The following TNC variants were observed in gnomAD, a reference collection of about 807,000 sequenced individuals.
TNC encodes tenascin C.
A neutral mutation model predicts 202.4 loss-of-function variants in TNC; 109 were observed. That is an observed-to-expected ratio of 0.54 (90% confidence interval 0.46 to 0.63). The LOEUF is 0.63. Ranked by LOEUF, TNC falls within the 30% of genes least tolerant of loss-of-function variation. The pLI, the probability that TNC is intolerant of heterozygous loss-of-function variation, is 0.00. For synonymous variants in TNC, 1,007 were observed against 1,089.7 expected, an observed-to-expected ratio of 0.92 and a Z score of 1.50; for missense variants, 2,756 against 2,833.3, an observed-to-expected ratio of 0.97 and a Z score of 0.62.
chr9:115,073,928 T>C lies in TNC; in HGVS notation c.2951-62A>G. 5 of 1,538,428 alleles carry C rather than the reference T, an allele frequency of 3.3e-6. No homozygotes were observed. The South Asian group carries it at 3.7e-5, about 11-fold the overall frequency. On this transcript the variant is annotated intron_variant, in intron 9 of 27. Transcript: ENST00000350763. ...TGCAAGACAGGGCTGCTTCTGGGGC[T>C]GAAAGTCAACTGCATCTGGGCTGGA...
rs768611745 is a variant in TNC, at chr9:115,084,524, C to T, written c.1868-52G>A. 280 of 1,586,534 alleles carry T rather than the reference C, an allele frequency of 1.8e-4. 1 individual carries two copies. Among genetic ancestry groups the T allele is most frequent in the Non-Finnish European group, 1.9e-4 (225 of 1,165,566 alleles). ...GTGTCAACAGTGTGTCCTCTAAAAT[C>T]TCTCTAGGTTTGTTTGACCTGTCTT... On this transcript the variant is annotated intron_variant, in intron 3 of 27. Transcript: ENST00000350763.
At chr9:115,042,870 G>C (rs1215875315) in intron 17 of TNC, among the ~76,000 whole-genome samples, 1 of 152,146 alleles carries the variant, frequency 6.6e-6, no homozygotes, top group Non-Finnish European at 1.5e-5. Flanking sequence ...CCAGGAGTAG[G>C]CAGCAGAGCC....
rs997315767 is a variant in TNC at position 115,057,492 on chromosome 9, A to G, written c.4307-67T>C. On this transcript the variant is annotated intron_variant, in intron 14 of 27. Transcript: ENST00000350763. ...GAGTTAATTATTTGGCTGTGTTTTA[A>G]GATTGAGGTTGTTAATAGAACCATT... is the stretch of plus-strand genomic sequence containing the variant. The G allele has an allele frequency of 4.7e-6, 7 of 1,480,264 alleles. No individual in the cohort carries two copies. In the Admixed American group the frequency reaches 1.0e-4, roughly 21 times the overall value. The allele number at this position is 1,480,264 out of a possible 1,614,324, so 91.7% of individuals were successfully genotyped here.
At chr9:115,084,535 T>A in intron 3 of TNC, 63 bp from the exon 4 acceptor site, 1 of 1,562,704 alleles carries the variant, frequency 6.4e-7, no homozygotes, top group Non-Finnish European at 8.7e-7. Flanking sequence ...TCTCTAGGTT[T>A]GTTTGACCTG....
chr9:115,047,791 C>T (rs1037535619), intron 16 of TNC, among the ~76,000 whole-genome samples: 34 of 152,046 alleles, frequency 2.2e-4, no homozygotes, highest in African/African-American at 5.8e-4. Context: ...TAGTGATTAC[C>T]GATAAAATAA....
chr9:115,031,328 G>T (rs1829930363), intron 23 of TNC, among the ~76,000 whole-genome samples: 1 of 152,208 alleles, frequency 6.6e-6, no homozygotes, highest in Non-Finnish European at 1.5e-5. Context: ...CACCTAGCAG[G>T]TGATAGAAAT....
chr9:115,038,198 G>A, intron 20 of TNC, 63 bp downstream of exon 20: 1 of 1,567,202 alleles, frequency 6.4e-7, no homozygotes, highest in Non-Finnish European at 8.7e-7. Context: ...AAGAGCGAAT[G>A]GGAAGAGTTT....
At chr9:115,064,147 G>T in intron 11 of TNC, 79 bp from the exon 12 acceptor site, 1 of 1,360,292 alleles carries the variant, frequency 7.4e-7, no homozygotes, top group Non-Finnish European at 9.9e-7. Context: ...AGAATAAGCT[G>T]AATAATAATA....
At chr9:115,040,588 G>C (rs1830655140) in intron 19 of TNC, among the ~76,000 whole-genome samples, 3 of 152,222 alleles carry the variant, frequency 2.0e-5, no homozygotes, top group African/African-American at 7.2e-5. Context: ...GAGAAGGAAA[G>C]TGGACCCTAG....
At chr9:115,089,136 A>G (rs1011092332) in intron 2 of TNC, among the ~76,000 whole-genome samples, 1 of 152,220 alleles carries the variant, frequency 6.6e-6, no homozygotes, top group African/African-American at 2.4e-5. Flanking sequence ...CAGAAGTGGA[A>G]GATAAACTAA....
chr9:115,070,990 G>A lies in TNC; in HGVS notation c.3214+2613C>T, dbSNP rs1382820461. 2.0e-5 allele frequency among the ~76,000 whole-genome samples: 3 copies of A among 152,192 alleles called. No individual in the cohort carries two copies. The East Asian group carries it at 5.8e-4, about 29-fold the overall frequency. ...TCCTGATTCTCTGAAGTTAGATCCA[G>A]TGTCTCCTGAGCACTGGCTGCACCC... On this transcript the variant is annotated intron_variant, in intron 10 of 27. Transcript: ENST00000350763.
intron 9 of TNC, among the ~76,000 whole-genome samples, chr9:115,075,553 G>A (rs755318712): frequency 4.1e-4 from 63 of 152,134 alleles, no homozygotes; most frequent in Admixed American, 3.9e-3. Context: ...TTGGGAGGCC[G>A]AGGTGGGCGG....
chr9:115,027,282 C>T (rs752722529), intron 25 of TNC, among the ~76,000 whole-genome samples: 25 of 152,040 alleles, frequency 1.6e-4, no homozygotes, highest in Admixed American at 6.6e-5. Flanking sequence ...GGTGAAAGTA[C>T]TTTTTAAACT....
chr9:115,035,429 C>T, intron 21 of TNC, 95 bp from the exon 22 acceptor site: 1 of 1,337,874 alleles, frequency 7.5e-7, no homozygotes, highest in Non-Finnish European at 1.0e-6. Flanking sequence ...CAAGTCCTTT[C>T]CCTACCACTG....
At chr9:115,115,135 T>C (rs1837369583) in intron 1 of TNC, 2 of 152,342 alleles carry the variant, frequency 1.3e-5, no homozygotes, top group African/African-American at 4.8e-5. Flanking sequence ...ATATGTGCTC[T>C]TAATTTATTG....
chr9:115,087,527 G>GATGTGT lies in TNC; in HGVS notation c.458-255_458-254insACACAT, dbSNP rs1225588082. 4.7e-3 allele frequency among the ~76,000 whole-genome samples: 706 copies of GATGTGT among 148,834 alleles called. 5 individuals are homozygous for GATGTGT. Among genetic ancestry groups the GATGTGT allele is most frequent in the Middle Eastern group, 0.017 (5 of 288 alleles). On this transcript the variant is annotated intron_variant, in intron 2 of 27. Coordinates refer to ENST00000350763, the MANE Select transcript of TNC (RefSeq NM_002160.4). ...AAAACAGTGTGTGATTATGCATAGG[G>GATGTGT]GTGTGTGTGTGTGTGTGTGTGTGTG...
At chr9:115,109,882 G>A (rs577713029) in intron 1 of TNC, among the ~76,000 whole-genome samples, 6 of 152,328 alleles carry the variant, frequency 3.9e-5, no homozygotes, top group African/African-American at 1.2e-4. Flanking sequence ...AAACTGCTAA[G>A]GAAGAGGATG....
At position 115,024,057 on chromosome 9, in the gene TNC, A is replaced by G; in HGVS notation, c.6411T>C (p.Ala2137=). The change falls in exon 27 of 28, where the codon GCT becomes GCC. Residue 2137 remains alanine, a synonymous_variant. Coordinates refer to ENST00000350763, the MANE Select transcript of TNC (RefSeq NM_002160.4). ...ACCAGAAAGCCCCTTTGTAGGACAG[A>G]GCACAGTTGGTGATGGCTGAATCTG... ...KDTDSAITNC[A]LSYKGAFWYR... 1 of 1,614,172 alleles carries G rather than the reference A, an allele frequency of 6.2e-7. No homozygotes were observed. Among genetic ancestry groups the G allele is most frequent in the Non-Finnish European group, 8.5e-7 (1 of 1,179,992 alleles).
intron 2 of TNC, among the ~76,000 whole-genome samples, chr9:115,089,608 C>A (rs1218670718): frequency 1.3e-5 from 2 of 152,112 alleles, no homozygotes; most frequent in Non-Finnish European, 2.9e-5. Flanking sequence ...TCAAGTGATT[C>A]TCCTGCCTCA....
Sources: allele counts gnomAD v4.1 joint callset (sites outside exome capture counted in the v4.1 genomes callset), GRCh38; gene constraint gnomAD v4.1.1; transcripts MANE v1.5; gene names NCBI Gene and HGNC (gene_info 2026-07-23, HGNC 2026-07-21).